The following TRABD2B variants were observed in gnomAD, a reference collection of about 807,000 sequenced individuals.
The protein encoded by TRABD2B is TraB domain containing 2B.
Under a neutral mutation model 40.1 loss-of-function variants are expected in TRABD2B, and 14 were observed. The ratio of observed to expected loss-of-function variants is 0.35; its 90% CI spans 0.23 to 0.55. TRABD2B has a LOEUF of 0.55. Ranked by LOEUF, TRABD2B falls within the 20% of genes least tolerant of loss-of-function variation. TRABD2B has a pLI of 0.90. For synonymous variants in TRABD2B, 263 were observed against 277.0 expected (o/e 0.95, Z 0.50); for missense variants, 541 against 648.6 (o/e 0.83, Z 1.80).
intron 2 of TRABD2B, among the ~76,000 whole-genome samples, chr1:47,934,915 C>T (rs970228608): frequency 6.6e-6 from 1 of 152,158 alleles, no homozygotes; most frequent in Non-Finnish European, 1.5e-5. Context: ...AGGCAGAGTC[C>T]GAGTTGGAAG....
At chr1:47,907,530 G>A (rs1644694995) in intron 2 of TRABD2B, among the ~76,000 whole-genome samples, 1 of 152,172 alleles carries the variant, frequency 6.6e-6, no homozygotes, top group Non-Finnish European at 1.5e-5. Flanking sequence ...TAGGACTTGT[G>A]GTTGCCCTGT....
chr1:47,821,469 T>G (rs1029050110), intron 2 of TRABD2B, among the ~76,000 whole-genome samples: 39 of 152,194 alleles, frequency 2.6e-4, no homozygotes, highest in Middle Eastern at 3.2e-3. Context: ...CAGAAATGAA[T>G]AGCCCCAAAT....
At chr1:47,967,596 G>T (rs1328562622) in intron 2 of TRABD2B, among the ~76,000 whole-genome samples, 1 of 152,192 alleles carries the variant, frequency 6.6e-6, no homozygotes, top group East Asian at 1.9e-4. Flanking sequence ...CCAATACACT[G>T]CAAAGGATGC....
At chr1:47,792,089 C>T (rs1644681261) in intron 4 of TRABD2B, among the ~76,000 whole-genome samples, 1 of 152,178 alleles carries the variant, frequency 6.6e-6, no homozygotes, top group South Asian at 2.1e-4. Flanking sequence ...ATGGCTGAGC[C>T]AGGAGAAGTG....
intron 6 of TRABD2B, among the ~76,000 whole-genome samples, chr1:47,768,847 GTGTTA>G (rs1351286532): frequency 6.6e-6 from 1 of 152,188 alleles, no homozygotes; most frequent in Admixed American, 6.5e-5. Context: ...TGCTATACAC[GTGTTA>G]TGTTATTATT....
intron 2 of TRABD2B, among the ~76,000 whole-genome samples, chr1:47,930,181 G>T (rs561062846): frequency 6.6e-6 from 1 of 152,338 alleles, no homozygotes; most frequent in Non-Finnish European, 1.5e-5. Context: ...CCAAGGTTTA[G>T]GGTCCAATTT....
intron 2 of TRABD2B, among the ~76,000 whole-genome samples, chr1:47,939,838 G>A (rs1046545305): frequency 7.6e-4 from 116 of 152,110 alleles, no homozygotes; most frequent in African/African-American, 2.7e-3. Context: ...CAGGCCTCTG[G>A]TAACTTCTGG....
At chr1:47,778,284 A>G (rs1388485937) in intron 5 of TRABD2B, among the ~76,000 whole-genome samples, 170 bp downstream of exon 5, 2 of 152,132 alleles carry the variant, frequency 1.3e-5, no homozygotes, top group Admixed American at 1.3e-4. Flanking sequence ...TAGAGCCAAG[A>G]CGGCTCACCA....
intron 6 of TRABD2B, among the ~76,000 whole-genome samples, chr1:47,771,704 C>T (rs983748200): frequency 2.0e-5 from 3 of 152,232 alleles, no homozygotes. Flanking sequence ...TGGCTCTCAG[C>T]GGTGGGGGTT....
chr1:47,843,242 G>A (rs1417536910), intron 2 of TRABD2B, among the ~76,000 whole-genome samples: 2 of 152,160 alleles, frequency 1.3e-5, no homozygotes, highest in African/African-American at 4.8e-5. Context: ...CATGTTAAAG[G>A]CTCCCTCTGC....
intron 2 of TRABD2B, among the ~76,000 whole-genome samples, chr1:47,857,033 G>A (rs1643899185): frequency 6.6e-6 from 1 of 152,238 alleles, no homozygotes; most frequent in South Asian, 2.1e-4. Context: ...AACTTGCCAG[G>A]TGACCGCAGT....
Position 47,840,808 on chromosome 1 carries a change from AAG to A in TRABD2B, c.667-39191_667-39190del, listed in dbSNP as rs527971171. 7.9e-5 allele frequency among the ~76,000 whole-genome samples: 12 copies of A among 152,242 alleles called. No individual in the cohort carries two copies. In the East Asian group the frequency reaches 2.3e-3, roughly 29 times the overall value. On this transcript the variant is annotated intron_variant, in intron 2 of 6. Transcript: ENST00000606738. ...ATGACATTTCTCAAGGATTAAGAAA[AAG>A]AGAAAAATTTGCTGCTTAAGTTTAA... is the stretch of plus-strand genomic sequence containing the variant.
rs141333489 is a variant in TRABD2B, at chr1:47,824,718, C to T, written c.667-23099G>A. On this transcript the variant is annotated intron_variant, in intron 2 of 6. Coordinates refer to ENST00000606738, the MANE Select transcript of TRABD2B (RefSeq NM_001194986.2). ...AGGATGAATTATTGAGGGTGACATT[C>T]GAGGCTCCTGGCCCTTTAATAGTTC... 1.6e-3 allele frequency among the ~76,000 whole-genome samples: 241 copies of T among 152,304 alleles called. 1 individual carries two copies. Among genetic ancestry groups the T allele is most frequent in the African/African-American group, 5.5e-3 (227 of 41,570 alleles).
chr1:47,987,296 G>A (rs1645933146), intron 2 of TRABD2B, among the ~76,000 whole-genome samples: 2 of 152,144 alleles, frequency 1.3e-5, no homozygotes, highest in Admixed American at 6.5e-5. Context: ...CTGTGTCCAT[G>A]AGCTGACAAT....
At chr1:47,800,692 A>G (rs1304101179) in intron 3 of TRABD2B, among the ~76,000 whole-genome samples, 1 of 152,212 alleles carries the variant, frequency 6.6e-6, no homozygotes, top group Non-Finnish European at 1.5e-5. Context: ...ACAAGGCCCT[A>G]GAGGTGCCTG....
intron 2 of TRABD2B, among the ~76,000 whole-genome samples, chr1:47,834,579 G>GCACACACACA (rs3035710): frequency 0.028 from 4,132 of 148,866 alleles, 210 homozygotes; most frequent in African/African-American, 0.096. Context: ...ACACACACGC[G>GCACACACACA]CACACACACA....
rs900930747 is a variant in TRABD2B at position 47,996,231 on chromosome 1, C to T, written c.102+457G>A. Among the ~76,000 whole-genome samples the T allele has an allele frequency of 6.6e-6, 1 of 151,650 alleles. No individual in the cohort carries two copies. Among genetic ancestry groups the T allele is most frequent in the African/African-American group, 2.4e-5 (1 of 41,216 alleles). ...TTTGTCTTAGGTCAGAGTGGGAGGG[C>T]AGGGAGAGAGAGGGAAGCCTGGGAG... On this transcript the variant is annotated intron_variant, in intron 1 of 6. Transcript: ENST00000606738. This position sits in a 1 kb window ranked among gnomAD's most constrained non-coding sequence, Gnocchi z 4.6.
intron 2 of TRABD2B, among the ~76,000 whole-genome samples, chr1:47,836,691 T>C (rs978348465): frequency 2.0e-5 from 3 of 152,256 alleles, no homozygotes; most frequent in African/African-American, 7.2e-5. Flanking sequence ...ACTGTGATAG[T>C]ATTTCTAGGT....
At chr1:47,768,626 CCT>C (rs1644337863) in intron 6 of TRABD2B, among the ~76,000 whole-genome samples, 1 of 152,178 alleles carries the variant, frequency 6.6e-6, no homozygotes, top group Admixed American at 6.5e-5. Context: ...TTCTCATTGA[CCT>C]CTCTGTGTTG....
Sources: gnomAD v4.1 joint callset for allele counts (sites outside exome capture counted in the v4.1 genomes callset) on GRCh38, gnomAD v4.1.1 for gene constraint, Gnocchi (gnomAD v3.1) non-coding constraint, MANE v1.5 for transcripts, NCBI Gene and HGNC (gene_info 2026-07-23, HGNC 2026-07-21) for gene names.